The following KIRREL3 variants were observed in gnomAD, a reference collection of about 807,000 sequenced individuals.
The protein encoded by KIRREL3 is kirre like nephrin family adhesion molecule 3.
KIRREL3 carries 36 observed loss-of-function variants against 89.7 expected under a neutral mutation model. That is an observed-to-expected ratio of 0.40 (90% CI 0.31 to 0.53). The LOEUF (loss-of-function observed/expected upper bound fraction) is 0.53. Among genes scored for constraint, KIRREL3 ranks in the 20% least tolerant of loss-of-function variants. The pLI is 0.49. For synonymous variants in KIRREL3, 445 were observed against 441.4 expected (o/e 1.01, Z -0.10); for missense variants, 864 against 1,056.6 (o/e 0.82, Z 2.53).
chr11:126,974,444 C>G lies in KIRREL3; in HGVS notation c.55+26011G>C, dbSNP rs535185703. 2.7e-4 allele frequency among the ~76,000 whole-genome samples: 39 copies of G among 145,872 alleles called. 2 individuals carry two copies. Among genetic ancestry groups the G allele is most frequent in the Non-Finnish European group, 5.3e-4 (35 of 66,264 alleles). ...CACACCTAGGCTACATGGTATAGCCCGTTACACACCTAGGCTACATGGTAT... is the reference window on the plus strand; with the variant it reads ...CACACCTAGGCTACATGGTATAGCCGGTTACACACCTAGGCTACATGGTAT... On this transcript the variant is annotated intron_variant, in intron 1 of 16. Transcript: ENST00000525144.
chr11:126,960,368 C>T (rs984380024), intron 1 of KIRREL3, among the ~76,000 whole-genome samples: 2 of 152,106 alleles, frequency 1.3e-5, no homozygotes, highest in African/African-American at 4.8e-5. Flanking sequence ...TTCAGATATC[C>T]AGCCGAGGAC....
chr11:126,949,645 G>A (rs1457763187), intron 1 of KIRREL3, among the ~76,000 whole-genome samples: 1 of 152,162 alleles, frequency 6.6e-6, no homozygotes, highest in Non-Finnish European at 1.5e-5. Flanking sequence ...TAGACAAATC[G>A]GAATCCTCTT....
At position 126,797,212 on chromosome 11, in the gene KIRREL3, G is replaced by A. The variant is rs1043697491; in HGVS notation, c.55+203243C>T. 1.3e-5 allele frequency among the ~76,000 whole-genome samples: 2 copies of A among 152,126 alleles called. No individual in the cohort carries two copies. Among genetic ancestry groups the A allele is most frequent in the African/African-American group, 4.8e-5 (2 of 41,408 alleles). ...GAATATGAGCCTAGGCTCTGAATAT[G>A]GGACCAATTTGAATTTAGATCCCAC... On this transcript the variant is annotated intron_variant, in intron 1 of 16. Coordinates refer to ENST00000525144, the MANE Select transcript of KIRREL3 (RefSeq NM_032531.4). The surrounding 1 kb of genome is among the most constrained non-coding windows in gnomAD (Gnocchi z 4.9).
chr11:126,684,883 G>A lies in KIRREL3; in HGVS notation c.56-121971C>T, dbSNP rs1946608779. Among the ~76,000 whole-genome samples the A allele has an allele frequency of 6.6e-6, 1 of 152,114 alleles. No individual in the cohort carries two copies. Among genetic ancestry groups the A allele is most frequent in the African/African-American group, 2.4e-5 (1 of 41,418 alleles). On this transcript the variant is annotated intron_variant, in intron 1 of 16. Coordinates refer to ENST00000525144, the MANE Select transcript of KIRREL3 (RefSeq NM_032531.4). This position sits in a 1 kb window ranked among gnomAD's most constrained non-coding sequence, Gnocchi z 4.2. ...ACCTGGGAAGAGGGAGAAGTTGATG[G>A]TCTGGTCACTAATGGTCCTCAGCAG...
At chr11:126,925,161 A>G (rs1592377751) in intron 1 of KIRREL3, among the ~76,000 whole-genome samples, 1 of 145,628 alleles carries the variant, frequency 6.9e-6, no homozygotes, top group Non-Finnish European at 1.5e-5. Context: ...TGGCTGGTGC[A>G]CCTGCTCTGC....
chr11:126,504,502 C>A (rs1957962636), intron 4 of KIRREL3, among the ~76,000 whole-genome samples: 1 of 152,164 alleles, frequency 6.6e-6, no homozygotes, highest in Non-Finnish European at 1.5e-5. Context: ...TATGAATTGA[C>A]CTATATCAAG....
In KIRREL3 at chr11:126,583,793, C is replaced by T. The variant is rs561822325; in HGVS notation, c.56-20881G>A. Among the ~76,000 whole-genome samples, 451 of 152,304 alleles carry T rather than the reference C, an allele frequency of 3.0e-3. 3 individuals carry two copies. The highest frequency in any genetic ancestry group is 3.1e-3 in the Admixed American group (47 of 15,306). On this transcript the variant is annotated intron_variant, in intron 1 of 16. Transcript: ENST00000525144. ...TGGAGGCTCCTGCTGTCACGACCCT[C>T]GCCCGGGGAAATGCCTGTCTTCTCC...
At chr11:126,464,812 CTG>C (rs1451894894) in intron 5 of KIRREL3, among the ~76,000 whole-genome samples, 1 of 152,178 alleles carries the variant, frequency 6.6e-6, no homozygotes, top group African/African-American at 2.4e-5. Context: ...GCTTCTACAG[CTG>C]TGAGATAATT....
Position 126,843,092 on chromosome 11 carries a change from T to A in KIRREL3, c.55+157363A>T, listed in dbSNP as rs186854929. The stretch of plus-strand genomic sequence containing the variant: ...ACTGAGGGGCTGGCTCACATTTCTA[T>A]ATAACAGTGTCCTCGTTCTCACCTG... On this transcript the variant is annotated intron_variant, in intron 1 of 16. Coordinates refer to ENST00000525144, the MANE Select transcript of KIRREL3 (RefSeq NM_032531.4). This position sits in a 1 kb window ranked among gnomAD's most constrained non-coding sequence, Gnocchi z 4.6. 9.4e-4 allele frequency among the ~76,000 whole-genome samples: 143 copies of A among 152,302 alleles called. 1 individual carries two copies. The highest frequency in any genetic ancestry group is 3.0e-3 in the African/African-American group (126 of 41,576).
Position 126,601,638 on chromosome 11 carries a change from A to G in KIRREL3, c.56-38726T>C, listed in dbSNP as rs1347450002. Among the ~76,000 whole-genome samples, 1 of 152,204 alleles carries G rather than the reference A, an allele frequency of 6.6e-6. No individual in the cohort carries two copies. The highest frequency in any genetic ancestry group is 2.4e-5 in the African/African-American group (1 of 41,450). On this transcript the variant is annotated intron_variant, in intron 1 of 16. Coordinates refer to ENST00000525144, the MANE Select transcript of KIRREL3 (RefSeq NM_032531.4). This position sits in a 1 kb window ranked among gnomAD's most constrained non-coding sequence, Gnocchi z 5.8. ...TCCTTATGGCACCTGAGAGAACCAG[A>G]GAAAGGAGGCCTCACAGTGTCCTGG...
chr11:126,468,881 C>T (rs372150742), intron 5 of KIRREL3, among the ~76,000 whole-genome samples: 10 of 152,204 alleles, frequency 6.6e-5, no homozygotes, highest in South Asian at 2.1e-4. Flanking sequence ...TGTTATGTTA[C>T]GGATCCCAGG....
At chr11:126,785,763 A>G (rs1015579979) in intron 1 of KIRREL3, among the ~76,000 whole-genome samples, 1 of 150,078 alleles carries the variant, frequency 6.7e-6, no homozygotes, top group African/African-American at 2.4e-5. Flanking sequence ...AGTCCCAGCT[A>G]CTTAGGAGGC....
At chr11:126,746,291 G>T (rs56261210) in intron 1 of KIRREL3, among the ~76,000 whole-genome samples, 5,426 of 152,318 alleles carry the variant, frequency 0.036, 141 homozygotes, top group Admixed American at 0.053. Context: ...TATTAAAGGA[G>T]AAACTATGTA....
intron 1 of KIRREL3, among the ~76,000 whole-genome samples, chr11:126,864,746 G>A (rs188230528): frequency 1.7e-3 from 256 of 152,242 alleles, no homozygotes; most frequent in Non-Finnish European, 9.1e-4. Context: ...GAGAAAACAG[G>A]AATAGAGGGA....
intron 1 of KIRREL3, among the ~76,000 whole-genome samples, chr11:126,850,053 T>C (rs1282051274): frequency 2.0e-5 from 3 of 152,182 alleles, no homozygotes; most frequent in African/African-American, 7.2e-5. Context: ...TCTTGTCAGG[T>C]ATCAACAGTA....
At chr11:126,603,356 C>G (rs1192800688) in intron 1 of KIRREL3, among the ~76,000 whole-genome samples, 2 of 152,340 alleles carry the variant, frequency 1.3e-5, no homozygotes, top group East Asian at 3.9e-4. Flanking sequence ...GATGAGAACC[C>G]TCATTCCCAA....
intron 5 of KIRREL3, among the ~76,000 whole-genome samples, chr11:126,470,624 G>C (rs1192962023): frequency 6.6e-6 from 1 of 152,160 alleles, no homozygotes; most frequent in Non-Finnish European, 1.5e-5. Context: ...GGTGGGTAGG[G>C]GGAACCAGGC....
In KIRREL3 at chr11:126,795,327, G is replaced by T. The variant is rs1225166149; in HGVS notation, c.55+205128C>A. ...GATGCTAATAATGGGGGAAACTCAG[G>T]GCAGAGGTTGGGAGGGAGAGGACGT... is the stretch of plus-strand genomic sequence containing the variant. On this transcript the variant is annotated intron_variant, in intron 1 of 16. Coordinates refer to ENST00000525144, the MANE Select transcript of KIRREL3 (RefSeq NM_032531.4). This position sits in a 1 kb window ranked among gnomAD's most constrained non-coding sequence, Gnocchi z 4.1. Among the ~76,000 whole-genome samples the T allele has an allele frequency of 1.3e-5, 2 of 152,132 alleles. No homozygotes were observed. The highest frequency in any genetic ancestry group is 3.9e-4 in the East Asian group (2 of 5,194).
In KIRREL3 at chr11:126,872,811, T is replaced by C. The variant is rs1327825271; in HGVS notation, c.55+127644A>G. On this transcript the variant is annotated intron_variant, in intron 1 of 16. Coordinates refer to ENST00000525144, the MANE Select transcript of KIRREL3 (RefSeq NM_032531.4). This position sits in a 1 kb window ranked among gnomAD's most constrained non-coding sequence, Gnocchi z 4.2. ...CTCTCCATTTCCATAGTGTGTTGAA[T>C]AATACCCCATGACAACTGGGGTTTG... Among the ~76,000 whole-genome samples, 1 of 152,086 alleles carries C rather than the reference T, an allele frequency of 6.6e-6. No individual in the cohort carries two copies. Among genetic ancestry groups the C allele is most frequent in the Non-Finnish European group, 1.5e-5 (1 of 68,038 alleles).
Sources: allele counts gnomAD v4.1 joint callset (sites outside exome capture counted in the v4.1 genomes callset), GRCh38; gene constraint gnomAD v4.1.1; non-coding constraint Gnocchi (gnomAD v3.1); transcripts MANE v1.5; gene names NCBI Gene and HGNC (gene_info 2026-07-23, HGNC 2026-07-21).